The following CENPL variants were observed in gnomAD, a reference collection of about 807,000 sequenced individuals.
CENPL encodes the protein interphase centromere complex protein 33.
A neutral mutation model predicts 35.2 loss-of-function variants in CENPL; 20 were observed. That is an observed-to-expected ratio of 0.57 (90% CI 0.40 to 0.83). The LOEUF (loss-of-function observed/expected upper bound fraction) is 0.83. CENPL is among the 40% of genes least tolerant of loss of function. The pLI, the probability that CENPL is intolerant of heterozygous loss-of-function variation, is 0.00. For synonymous variants in CENPL, 140 were observed against 140.6 expected, an observed-to-expected ratio of 1.00 and a Z score of 0.03; for missense variants, 363 against 395.8, an observed-to-expected ratio of 0.92 and a Z score of 0.70.
chr1:173,811,887 G>T (rs1181126866), intron 2 of CENPL, among the ~76,000 whole-genome samples: 2 of 152,214 alleles, frequency 1.3e-5, no homozygotes, highest in African/African-American at 2.4e-5. Flanking sequence ...AAGCGCAAGG[G>T]GTCCAGGGAT....
intron 3 of CENPL, among the ~76,000 whole-genome samples, chr1:173,810,347 C>T (rs964001460): frequency 6.6e-6 from 1 of 151,958 alleles, no homozygotes; most frequent in African/African-American, 2.4e-5. Flanking sequence ...ACAACACACG[C>T]TTAGGCCTGT....
rs1417260294 is a variant in CENPL, at chr1:173,807,235, C to T, written c.420+32G>A. 9 of 1,486,444 alleles carry T rather than the reference C, an allele frequency of 6.1e-6. No individual in the cohort carries two copies. In the East Asian group the frequency reaches 1.8e-4, roughly 30 times the overall value. 92.1% of individuals were successfully genotyped at this position (1,486,444 alleles called of 1,614,324 possible). ...GTCAAACAAGACATAATACTTTTCC[C>T]CTAGGAAGCAAGAACTGTTTATGTA... On this transcript the variant is annotated intron_variant, in intron 4 of 5. Transcript: ENST00000682279.
chr1:173,822,422 T>G (rs1177337929), intron 2 of CENPL: 1 of 152,212 alleles, frequency 6.6e-6, no homozygotes, highest in African/African-American at 2.4e-5. Flanking sequence ...CCCCAGATTC[T>G]GAAAATCATT....
intron 4 of CENPL, chr1:173,806,637 G>A: frequency 7.6e-6 from 2 of 264,138 alleles, no homozygotes; most frequent in South Asian, 6.2e-5. Context: ...CTTCCTGTAA[G>A]TAGTATATAA....
intron 4 of CENPL, among the ~76,000 whole-genome samples, chr1:173,806,750 T>C (rs1650270178): frequency 6.6e-6 from 1 of 152,086 alleles, no homozygotes; most frequent in Non-Finnish European, 1.5e-5. Flanking sequence ...CTCAAACTCC[T>C]AGGCTCAGGT....
At chr1:173,815,660 T>C (rs60656154) in intron 2 of CENPL, among the ~76,000 whole-genome samples, 3,746 of 152,212 alleles carry the variant, frequency 0.025, 168 homozygotes, top group African/African-American at 0.087. Context: ...AAACTCTCCA[T>C]AAACTAGATA....
At chr1:173,809,870 G>A (rs182876337) in intron 3 of CENPL, among the ~76,000 whole-genome samples, 26 of 152,278 alleles carry the variant, frequency 1.7e-4, no homozygotes, top group Admixed American at 5.2e-4. Context: ...ACAGATGCTG[G>A]TGAGGTTGTG....
At chr1:173,801,542 C>T (rs1370145204) in intron 5 of CENPL, among the ~76,000 whole-genome samples, 1 of 151,080 alleles carries the variant, frequency 6.6e-6, no homozygotes, top group Non-Finnish European at 1.5e-5. Context: ...TCTAACTAGC[C>T]AGGCATGGTG....
At chr1:173,820,304 C>T (rs1651823678) in intron 2 of CENPL, among the ~76,000 whole-genome samples, 1 of 151,960 alleles carries the variant, frequency 6.6e-6, no homozygotes, top group African/African-American at 2.4e-5. Context: ...TTGCACAAAA[C>T]TCCACAAATT....
chr1:173,809,413 C>T (rs1295081942), intron 3 of CENPL, among the ~76,000 whole-genome samples: 2 of 151,190 alleles, frequency 1.3e-5, no homozygotes, highest in Non-Finnish European at 2.9e-5. Context: ...ACAGGGTGAA[C>T]CACTGTCTCT....
At chr1:173,810,660 C>T (rs2102585586) in intron 3 of CENPL, among the ~76,000 whole-genome samples, 1 of 152,302 alleles carries the variant, frequency 6.6e-6, no homozygotes, top group South Asian at 2.1e-4. Flanking sequence ...GTGACTCATG[C>T]CTGTAATCCC....
In CENPL at chr1:173,803,521, A is replaced by G; in HGVS notation, c.421-16T>C. On this transcript the variant is annotated splice_polypyrimidine_tract_variant and intron_variant, in intron 4 of 5. Coordinates refer to ENST00000682279, the MANE Select transcript of CENPL (RefSeq NM_001387287.1). ...TTGACACAATCTACAAAGAAAGTAA[A>G]CAGGCTCCTTAAATTCAAAAGTACA... The G allele has an allele frequency of 3.3e-6, 5 of 1,535,114 alleles. No homozygotes were observed. Among genetic ancestry groups the G allele is most frequent in the Non-Finnish European group, 3.5e-6 (4 of 1,141,466 alleles).
At position 173,824,871 on chromosome 1, in the gene CENPL, A is replaced by T; in HGVS notation, c.-761T>A. On this transcript the variant is annotated 5_prime_UTR_variant, in exon 1 of 6. Transcript: ENST00000682279. ...AAGCGTGGAAAGAGGAGAAGGGCGT[A>T]TACCTTGTGACCGCCTCTGGTTGTC... The T allele has an allele frequency of 2.9e-6, 1 of 339,048 alleles. No individual in the cohort carries two copies. Among genetic ancestry groups the T allele is most frequent in the Non-Finnish European group, 5.8e-6 (1 of 172,352 alleles). The allele number at this position is 339,048 out of a possible 1,614,324, so 21.0% of individuals were successfully genotyped here.
At chr1:173,812,374 C>A (rs547461557) in intron 2 of CENPL, among the ~76,000 whole-genome samples, 2 of 152,358 alleles carry the variant, frequency 1.3e-5, no homozygotes, top group African/African-American at 4.8e-5. Context: ...TCAAGTGGGT[C>A]CCTGACCCCC....
In CENPL at chr1:173,817,154, A is replaced by G. The variant is rs188119848; in HGVS notation, c.-7-5848T>C. On this transcript the variant is annotated intron_variant, in intron 2 of 5. Transcript: ENST00000682279. ...CTCCGTCTCAGAAAAAAAAGAAAGC[A>G]AAAAAATAAATAAATAAATACTGTC... Among the ~76,000 whole-genome samples, 976 of 127,742 alleles carry G rather than the reference A, an allele frequency of 7.6e-3. 5 individuals carry two copies. The highest frequency in any genetic ancestry group is 0.046 in the African/African-American group (930 of 20,236). 83.8% of individuals were successfully genotyped at this position (127,742 alleles called of 152,430 possible). A position where few individuals can be genotyped will look rare whatever the true frequency, so the allele number is the denominator to read the frequency against.
At chr1:173,823,251 G>A (rs969494082) in intron 2 of CENPL, 2 of 152,262 alleles carry the variant, frequency 1.3e-5, no homozygotes, top group Middle Eastern at 3.4e-3. Context: ...ATTCCTGTCT[G>A]GCTTTCAAGG....
chr1:173,818,118 C>T (rs571265195), intron 2 of CENPL, among the ~76,000 whole-genome samples: 129 of 152,070 alleles, frequency 8.5e-4, no homozygotes, highest in African/African-American at 2.9e-3. Context: ...CAAACCTGCA[C>T]ATTTTGCACA....
At chr1:173,810,070 C>T (rs1308453166) in intron 3 of CENPL, among the ~76,000 whole-genome samples, 2 of 152,182 alleles carry the variant, frequency 1.3e-5, no homozygotes, top group African/African-American at 4.8e-5. Flanking sequence ...CATACACTCA[C>T]TGCAGCACTA....
In CENPL at chr1:173,807,339, G is replaced by A. The variant is rs1446331067; in HGVS notation, c.348C>T (p.Asn116=). 1 of 1,613,542 alleles carries A rather than the reference G, an allele frequency of 6.2e-7. No homozygotes were observed. The highest frequency in any genetic ancestry group is 1.7e-5 in the Admixed American group (1 of 59,982). Residue 116 remains asparagine (N), a synonymous_variant, in exon 4 of 6, where the codon AAC becomes AAT. Coordinates refer to ENST00000682279, the MANE Select transcript of CENPL (RefSeq NM_001387287.1). Reference sequence around the variant, plus strand: ...GGAGAGTAGAAAAAATCACTTTGATGTTGAAGTCTTCTCCCACTTCCACAG... The same window carrying A: ...GGAGAGTAGAAAAAATCACTTTGATATTGAAGTCTTCTCCCACTTCCACAG... ...GLAVEVGEDF[N]IKVIFSTLLG...
Sources: gnomAD v4.1 joint callset for allele counts (sites outside exome capture counted in the v4.1 genomes callset) on GRCh38, gnomAD v4.1.1 for gene constraint, MANE v1.5 for transcripts, NCBI Gene and HGNC (gene_info 2026-07-23, HGNC 2026-07-21) for gene names.